Variants in DTD2 observed in about 807,000 individuals in gnomAD.
DTD2 encodes the protein D-aminoacyl-tRNA deacylase 2, also known as D-tyrosyl-tRNA deacylase 2 (putative).
A neutral mutation model predicts 15.5 loss-of-function variants in DTD2; 12 were observed. The observed-to-expected ratio is 0.77, with a 90% confidence interval of 0.50 to 1.25. The LOEUF is 1.25. DTD2 is among the 50% of genes most tolerant of loss of function. DTD2 has a pLI of 0.00. For missense variants in DTD2, 170 were observed against 201.1 expected (o/e 0.85, Z 0.93); for synonymous variants, 59 against 77.3 (o/e 0.76, Z 1.24).
chr14:31,453,715 T>C (rs1200308535), intron 1 of DTD2, among the ~76,000 whole-genome samples: 1 of 152,240 alleles, frequency 6.6e-6, no homozygotes, highest in African/African-American at 2.4e-5. Flanking sequence ...ATTCACATTA[T>C]ACCAGATACA....
In DTD2 at chr14:31,457,254, G is replaced by T. The variant is rs577015923; in HGVS notation, c.111+29C>A. The T allele has an allele frequency of 7.8e-6, 12 of 1,542,192 alleles. No homozygotes were observed. The East Asian group carries it at 2.9e-4, about 38-fold the overall frequency. ...GAAAAAACCGCCCCGCACGCCGGAG[G>T]ATAACGAGAGCTGCCGGGCTGACGT... On this transcript the variant is annotated intron_variant, in intron 1 of 2. Coordinates refer to ENST00000310850, the MANE Select transcript of DTD2 (RefSeq NM_080664.3).
At chr14:31,448,714 A>T (rs2031992877) in intron 2 of DTD2, among the ~76,000 whole-genome samples, 1 of 152,250 alleles carries the variant, frequency 6.6e-6, no homozygotes, top group African/African-American at 2.4e-5. Context: ...CAATAAGTTC[A>T]TCCAGAAAGG....
intron 2 of DTD2, among the ~76,000 whole-genome samples, chr14:31,449,511 T>C (rs1204052500): frequency 1.3e-5 from 2 of 152,234 alleles, no homozygotes. Context: ...ATTATTTTTG[T>C]AGCATTCGTG....
intron 1 of DTD2, 102 bp from the exon 2 acceptor site, chr14:31,453,446 G>A (rs1254010459): frequency 3.2e-6 from 3 of 924,898 alleles, no homozygotes; most frequent in South Asian, 2.1e-5. Context: ...TAGACATAGA[G>A]GTTAAAAGCA....
At position 31,446,828 on chromosome 14, in the gene DTD2, T is replaced by C. The variant is rs548982308; in HGVS notation, c.*1301A>G. ...TCAATTTGTTTTCAAACTATTCTTA[T>C]GGGAAGCTTCCCTTTTTCTCCCTTT... On this transcript the variant is annotated 3_prime_UTR_variant, in exon 3 of 3. Transcript: ENST00000310850. 2 of 152,320 alleles carry C rather than the reference T, an allele frequency of 1.3e-5. No homozygotes were observed. The highest frequency in any genetic ancestry group is 2.1e-4 in the South Asian group (1 of 4,826). The allele number at this position is 152,320 out of a possible 1,614,324, so 9.4% of individuals were successfully genotyped here. A position where few individuals can be genotyped will look rare whatever the true frequency, so the allele number is the denominator to read the frequency against.
At position 31,448,362 on chromosome 14, in the gene DTD2, G is replaced by T; in HGVS notation, c.274C>A (p.Gln92Lys). 1 of 1,614,216 alleles carries T rather than the reference G, an allele frequency of 6.2e-7. No individual in the cohort carries two copies. The highest frequency in any genetic ancestry group is 8.5e-7 in the Non-Finnish European group (1 of 1,180,042). ...DLPGNILIIP[Q>K]ATLGGRLKGR... is the part of the protein sequence containing the mutation. ...TTTAGTCTTCCTCCAAGGGTAGCTTGAGGGATAATAAGAATGTTGCCAGGT... is the reference window on the plus strand; with the variant it reads ...TTTAGTCTTCCTCCAAGGGTAGCTTTAGGGATAATAAGAATGTTGCCAGGT... Residue 92 changes from glutamine (Q) to lysine (K), a missense_variant, in exon 3 of 3, where the codon CAA (glutamine) becomes AAA (lysine). Physicochemically the swap from Gln to Lys is moderately conservative, Grantham distance 53. Transcript: ENST00000310850.
intron 1 of DTD2, among the ~76,000 whole-genome samples, chr14:31,455,181 T>C (rs944394999): frequency 6.6e-6 from 1 of 151,886 alleles, no homozygotes; most frequent in African/African-American, 2.4e-5. Flanking sequence ...CTGAACAACA[T>C]AAAAAAGATA....
chr14:31,446,935 A>G lies in DTD2; in HGVS notation c.*1194T>C, dbSNP rs1469427102. On this transcript the variant is annotated 3_prime_UTR_variant, in exon 3 of 3. Transcript: ENST00000310850. ...TAATTTCATGAACCAGTTCTTTAAA[A>G]AGCGAAGACAAAAAGTGAGACACAT... 1 of 152,222 alleles carries G rather than the reference A, an allele frequency of 6.6e-6. No individual in the cohort carries two copies. The highest frequency in any genetic ancestry group is 1.5e-5 in the Non-Finnish European group (1 of 68,038). 9.4% of individuals were successfully genotyped at this position (152,222 alleles called of 1,614,324 possible).
intron 1 of DTD2, 176 bp downstream of exon 1, chr14:31,457,107 C>T: frequency 3.3e-6 from 2 of 609,202 alleles, no homozygotes; most frequent in East Asian, 3.0e-5. Flanking sequence ...GATGCTGGAC[C>T]GAAAAGACAA....
At chr14:31,453,051 C>T (rs575129589) in intron 2 of DTD2, among the ~76,000 whole-genome samples, 1 of 151,708 alleles carries the variant, frequency 6.6e-6, no homozygotes, top group South Asian at 2.1e-4. Flanking sequence ...AATCTTCCAG[C>T]CTCAGCCTCC....
chr14:31,456,304 T>C (rs765732063), intron 1 of DTD2, among the ~76,000 whole-genome samples: 1 of 152,090 alleles, frequency 6.6e-6, no homozygotes, highest in Non-Finnish European at 1.5e-5. Flanking sequence ...GAAAATTGCT[T>C]GAACCCGGGA....
intron 1 of DTD2, among the ~76,000 whole-genome samples, chr14:31,455,006 AT>A (rs1208696865): frequency 3.9e-5 from 6 of 152,194 alleles, no homozygotes; most frequent in Non-Finnish European, 7.3e-5. Context: ...AAGAATTTAC[AT>A]TTTCTCACCA....
At position 31,446,280 on chromosome 14, in the gene DTD2, T is replaced by G. The variant is rs891899167; in HGVS notation, c.*1849A>C. The G allele has an allele frequency of 2.0e-5, 3 of 152,162 alleles. No homozygotes were observed. The highest frequency in any genetic ancestry group is 2.1e-4 in the South Asian group (1 of 4,832). 9.4% of individuals were successfully genotyped at this position (152,162 alleles called of 1,614,324 possible). On this transcript the variant is annotated 3_prime_UTR_variant, in exon 3 of 3. Transcript: ENST00000310850. ...AATTTCAGCAGCTACTTAGGATGTT[T>G]ATTTATTTACCTTTTTTTGCCAATT... is the stretch of plus-strand genomic sequence containing the variant.
Position 31,448,209 on chromosome 14 carries a change from C to G in DTD2, c.427G>C (p.Val143Leu). 1.2e-6 allele frequency: 2 copies of G among 1,614,184 alleles called. No homozygotes were observed. The highest frequency in any genetic ancestry group is 8.5e-7 in the Non-Finnish European group (1 of 1,180,020). Reference sequence around the variant, plus strand: ...CTGTTCCCATAAGTGCCATGTTCCACTACAACCCTAGCTTCAGCACACTTG... The same window carrying G: ...CTGTTCCCATAAGTGCCATGTTCCAGTACAACCCTAGCTTCAGCACACTTG... Reference protein sequence around the residue: ...NSKCAEARVVVEHGTYGNRQV... With the variant: ...NSKCAEARVVLEHGTYGNRQV... The change falls in exon 3 of 3, where the codon GTG (valine) becomes CTG (leucine). Residue 143 changes from valine (V) to leucine (L), a missense_variant. Coordinates refer to ENST00000310850, the MANE Select transcript of DTD2 (RefSeq NM_080664.3).
chr14:31,447,070 A>C lies in DTD2; in HGVS notation c.*1059T>G, dbSNP rs2031968060. ...GTTCTTATATCAAGTAAAGATTCTT[A>C]AAGTAATGTAAAACATTTGAATGTC... On this transcript the variant is annotated 3_prime_UTR_variant, in exon 3 of 3. Transcript: ENST00000310850. 6.6e-6 allele frequency: 1 copy of C among 152,206 alleles called. No homozygotes were observed. The highest frequency in any genetic ancestry group is 2.1e-4 in the South Asian group (1 of 4,832). 9.4% of individuals were successfully genotyped at this position (152,206 alleles called of 1,614,324 possible).
chr14:31,457,228 G>T, intron 1 of DTD2, 55 bp downstream of exon 1: 2 of 1,490,388 alleles, frequency 1.3e-6, no homozygotes, highest in South Asian at 1.2e-5. Flanking sequence ...GAGACAACGC[G>T]GAAAAAACCG....
chr14:31,450,083 G>A (rs887291624), intron 2 of DTD2, among the ~76,000 whole-genome samples: 1 of 152,118 alleles, frequency 6.6e-6, no homozygotes, highest in Non-Finnish European at 1.5e-5. Flanking sequence ...CATTCCACTC[G>A]AAATCACTAT....
At chr14:31,448,878 G>C (rs1244142626) in intron 2 of DTD2, among the ~76,000 whole-genome samples, 1 of 151,902 alleles carries the variant, frequency 6.6e-6, no homozygotes, top group African/African-American at 2.4e-5. Context: ...CTGCTTGCTT[G>C]CTTGCTTGCT....
chr14:31,451,434 C>A (rs542521971), intron 2 of DTD2, among the ~76,000 whole-genome samples: 18 of 148,620 alleles, frequency 1.2e-4, no homozygotes, highest in Admixed American at 1.1e-3. Flanking sequence ...AGGCGTGAGC[C>A]ACCGCGCCTG....
Sources: gnomAD v4.1 joint callset for allele counts (sites outside exome capture counted in the v4.1 genomes callset) on GRCh38, gnomAD v4.1.1 for gene constraint, MANE v1.5 for transcripts, NCBI Gene and HGNC (gene_info 2026-07-23, HGNC 2026-07-21) for gene names.